Variants in PARD3 observed in about 807,000 individuals in gnomAD.
The protein encoded by PARD3 is partitioning defective 3 homolog.
A neutral mutation model predicts 155.4 loss-of-function variants in PARD3; 75 were observed. That is an observed-to-expected ratio of 0.48 (90% CI 0.40 to 0.58). PARD3 has a LOEUF of 0.58. PARD3 is among the 20% of genes least tolerant of loss of function. PARD3 has a pLI of 0.00. For synonymous variants in PARD3, 576 were observed against 610.5 expected, an observed-to-expected ratio of 0.94 and a Z score of 0.83; for missense variants, 1,642 against 1,721.7, an observed-to-expected ratio of 0.95 and a Z score of 0.82.
chr10:34,359,376 C>A, intron 13 of PARD3, 59 bp from the exon 14 acceptor site: 2 of 1,196,196 alleles, frequency 1.7e-6, no homozygotes, highest in Non-Finnish European at 2.3e-6. Flanking sequence ...AAAGAAGTAG[C>A]TTTTCCTTTA....
At chr10:34,433,310 T>G (rs1018799400) in intron 5 of PARD3, among the ~76,000 whole-genome samples, 2 of 152,212 alleles carry the variant, frequency 1.3e-5, no homozygotes, top group South Asian at 2.1e-4. Flanking sequence ...GCCTAAGTCA[T>G]GTCCAATATT....
intron 2 of PARD3, among the ~76,000 whole-genome samples, chr10:34,519,529 G>A (rs773925556): frequency 9.2e-5 from 14 of 151,948 alleles, no homozygotes; most frequent in South Asian, 2.1e-4. Context: ...ATCCCAAAGC[G>A]TAGGCCAGGC....
chr10:34,470,161 T>C lies in PARD3; in HGVS notation c.506A>G (p.Asn169Ser). ...NFSSEEPSRKNPTRWSTTAGF... is the reference protein window; with the variant it reads ...NFSSEEPSRKSPTRWSTTAGF... Reference sequence around the variant, plus strand: ...AGCTGTTGTTGACCAGCGTGTGGGATTTTTCCTTGAAGGCTCTTCAGAGGA... The same window carrying C: ...AGCTGTTGTTGACCAGCGTGTGGGACTTTTCCTTGAAGGCTCTTCAGAGGA... The change falls in exon 4 of 25, where the codon AAT (asparagine) becomes AGT (serine). Residue 169 changes from asparagine (N) to serine (S), a missense_variant. Transcript: ENST00000374788. 6.2e-7 allele frequency: 1 copy of C among 1,613,068 alleles called. No homozygotes were observed. The highest frequency in any genetic ancestry group is 8.5e-7 in the Non-Finnish European group (1 of 1,179,636).
At chr10:34,421,766 A>G (rs1051867136) in intron 5 of PARD3, among the ~76,000 whole-genome samples, 7 of 152,216 alleles carry the variant, frequency 4.6e-5, no homozygotes, top group African/African-American at 7.2e-5. Context: ...TCTGAAACTC[A>G]TATTTTAATA....
intron 2 of PARD3, among the ~76,000 whole-genome samples, chr10:34,614,898 G>T (rs1220443405): frequency 6.6e-6 from 1 of 152,190 alleles, no homozygotes; most frequent in Non-Finnish European, 1.5e-5. Flanking sequence ...CGCAAAGCAG[G>T]CCGGGCACGG....
In PARD3 at chr10:34,363,231, C is replaced by T. The variant is rs144805461; in HGVS notation, c.1708-2972G>A. Among the ~76,000 whole-genome samples, 720 of 152,260 alleles carry T rather than the reference C, an allele frequency of 4.7e-3. 4 individuals are homozygous for T. Among genetic ancestry groups the T allele is most frequent in the African/African-American group, 0.017 (693 of 41,552 alleles). ...AAAGATCAGGATAAGGAGCTGGCTG[C>T]ATATATGAAGAAAAATTTTAATCAA... On this transcript the variant is annotated intron_variant, in intron 12 of 24. Coordinates refer to ENST00000374788, the MANE Select transcript of PARD3 (RefSeq NM_001184785.2).
At chr10:34,771,447 T>C (rs1007448006) in intron 1 of PARD3, among the ~76,000 whole-genome samples, 2 of 152,246 alleles carry the variant, frequency 1.3e-5, no homozygotes, top group Non-Finnish European at 2.9e-5. Flanking sequence ...GAAGGAAGGC[T>C]GGCTACAGTT....
chr10:34,576,651 T>C (rs186295908), intron 2 of PARD3, among the ~76,000 whole-genome samples: 2 of 152,276 alleles, frequency 1.3e-5, no homozygotes, highest in Admixed American at 1.3e-4. Flanking sequence ...AGAACTCTAT[T>C]GAAGGAGATG....
chr10:34,692,187 G>A (rs373838025), intron 2 of PARD3, among the ~76,000 whole-genome samples: 8 of 150,770 alleles, frequency 5.3e-5, no homozygotes, highest in South Asian at 2.1e-4. Context: ...AGCTGAGATC[G>A]CGCCATTGCA....
At chr10:34,261,433 A>G (rs1954952203) in intron 22 of PARD3, among the ~76,000 whole-genome samples, 1 of 152,198 alleles carries the variant, frequency 6.6e-6, no homozygotes, top group Non-Finnish European at 1.5e-5. Flanking sequence ...TCATGCCTGT[A>G]ATCCCAGCAC....
intron 5 of PARD3, among the ~76,000 whole-genome samples, chr10:34,423,633 ACT>A (rs1326340171): frequency 1.3e-5 from 2 of 152,220 alleles, no homozygotes; most frequent in African/African-American, 4.8e-5. Flanking sequence ...TCTTGTAATT[ACT>A]GTTATTAACC....
At chr10:34,382,947 T>C (rs1364197897) in intron 8 of PARD3, 25 bp from the exon 9 acceptor site, 3 of 1,610,552 alleles carry the variant, frequency 1.9e-6, no homozygotes, top group Non-Finnish European at 2.5e-6. Context: ...GAATAGAAAA[T>C]TAGCAAATTA....
At chr10:34,119,559 G>A (rs996492980) in intron 24 of PARD3, 54 bp downstream of exon 24, 5 of 1,529,078 alleles carry the variant, frequency 3.3e-6, no homozygotes, top group African/African-American at 1.4e-5. Flanking sequence ...CCTAAAGGGC[G>A]GGGGATCTTA....
chr10:34,568,716 G>C (rs894476154), intron 2 of PARD3, among the ~76,000 whole-genome samples: 5 of 152,168 alleles, frequency 3.3e-5, no homozygotes, highest in Admixed American at 6.5e-5. Context: ...AGTTAAAGAA[G>C]AGCTAAAGTC....
At chr10:34,485,312 T>C (rs1018407592) in intron 3 of PARD3, among the ~76,000 whole-genome samples, 7 of 150,800 alleles carry the variant, frequency 4.6e-5, no homozygotes, top group African/African-American at 1.5e-4. Flanking sequence ...CACTCCAGCC[T>C]GGGAGACAGA....
chr10:34,140,678 T>C (rs114761320), intron 22 of PARD3, among the ~76,000 whole-genome samples: 114 of 152,264 alleles, frequency 7.5e-4, no homozygotes, highest in African/African-American at 2.6e-3. Context: ...CAAATAAAAA[T>C]AGCTCCTCTG....
At position 34,680,557 on chromosome 10, in the gene PARD3, T is replaced by TA. The variant is rs5784424; in HGVS notation, c.222+15760dup. Among the ~76,000 whole-genome samples the TA allele has an allele frequency of 9.1e-4, 117 of 128,618 alleles. No homozygotes were observed. In the East Asian group the frequency reaches 0.015, roughly 17 times the overall value. The allele number at this position is 128,618 out of a possible 152,430, so 84.4% of individuals were successfully genotyped here. The stretch of plus-strand genomic sequence containing the variant: ...CTGAGTGATGGAGTAAGACTCCGTC[T>TA]AAAAAAAAAAAAATGAGGGGAGGGG... On this transcript the variant is annotated intron_variant, in intron 2 of 24. Coordinates refer to ENST00000374788, the MANE Select transcript of PARD3 (RefSeq NM_001184785.2).
intron 5 of PARD3, among the ~76,000 whole-genome samples, chr10:34,404,954 C>T (rs1040628366): frequency 1.3e-5 from 2 of 151,940 alleles, no homozygotes; most frequent in African/African-American, 2.4e-5. Flanking sequence ...TGCCTGTAGT[C>T]CCAACTACTG....
intron 3 of PARD3, among the ~76,000 whole-genome samples, chr10:34,516,025 C>T (rs776933434): frequency 2.1e-4 from 32 of 151,756 alleles, no homozygotes; most frequent in Admixed American, 3.9e-4. Flanking sequence ...GGCACAATCT[C>T]GGTTCACTGC....
Sources: allele counts gnomAD v4.1 joint callset (sites outside exome capture counted in the v4.1 genomes callset), GRCh38; gene constraint gnomAD v4.1.1; transcripts MANE v1.5; gene names NCBI Gene and HGNC (gene_info 2026-07-23, HGNC 2026-07-21).